The following SMIM36 variants were observed in gnomAD, a reference collection of about 807,000 sequenced individuals.
SMIM36 encodes the protein small integral membrane protein 36.
chr17:55,513,069 AAC>A (rs1158791005), upstream of SMIM36, among the ~76,000 whole-genome samples: 4 of 152,212 alleles, frequency 2.6e-5, no homozygotes, highest in Non-Finnish European at 5.9e-5. Flanking sequence ...ATGATTCTGA[AAC>A]ACCATAGATT....
chr17:55,469,027 C>T (rs935999900), intron 3 of SMIM36, among the ~76,000 whole-genome samples: 5 of 152,064 alleles, frequency 3.3e-5, no homozygotes, highest in Non-Finnish European at 7.4e-5. Flanking sequence ...GAGACTCGTC[C>T]CAAATCTTTC....
At chr17:55,475,252 A>G (rs1451264375) in intron 3 of SMIM36, among the ~76,000 whole-genome samples, 1 of 152,166 alleles carries the variant, frequency 6.6e-6, no homozygotes, top group Non-Finnish European at 1.5e-5. Flanking sequence ...ATCGTAGCGG[A>G]TATCTCCTGG....
At chr17:55,492,392 G>A (rs916576543) in intron 1 of SMIM36, among the ~76,000 whole-genome samples, 21 of 150,950 alleles carry the variant, frequency 1.4e-4, no homozygotes, top group African/African-American at 2.4e-4. Context: ...ACAGGCTTGC[G>A]CCACCAAGCC....
chr17:55,499,706 T>G (rs1909874325), intron 1 of SMIM36, among the ~76,000 whole-genome samples: 1 of 152,112 alleles, frequency 6.6e-6, no homozygotes, highest in Non-Finnish European at 1.5e-5. Context: ...TAAAACATAC[T>G]GGAAAAAGGG....
chr17:55,516,068 T>TA (rs779764854), upstream of SMIM36, among the ~76,000 whole-genome samples: 1 of 152,196 alleles, frequency 6.6e-6, no homozygotes, highest in Non-Finnish European at 1.5e-5. Context: ...TTTACTTCTA[T>TA]AAAAAACAAA....
In SMIM36 at chr17:55,456,116, C is replaced by CAA. The variant is rs10546288; in HGVS notation, c.*532-5820_*532-5819dup. 1.6e-3 allele frequency among the ~76,000 whole-genome samples: 64 copies of CAA among 39,528 alleles called. 1 individual carries two copies. The highest frequency in any genetic ancestry group is 1.6e-3 in the South Asian group (1 of 612). The allele number at this position is 39,528 out of a possible 152,430, so 25.9% of individuals were successfully genotyped here. On this transcript the variant is annotated intron_variant, in intron 4 of 4. Coordinates refer to ENST00000636752, the Ensembl canonical transcript of SMIM36. ...CTGGGCAACAAGTGCAAAACTGTCTCAAAAAAAAAAAAAAAAAAAAAAAAA... is the reference window on the plus strand; with the variant it reads ...CTGGGCAACAAGTGCAAAACTGTCTCAAAAAAAAAAAAAAAAAAAAAAAAAAA...
upstream of SMIM36, among the ~76,000 whole-genome samples, chr17:55,516,335 G>T (rs1050853381): frequency 2.0e-5 from 3 of 152,166 alleles, no homozygotes; most frequent in Admixed American, 1.3e-4. Context: ...GAGAGACACA[G>T]CCTGGAAGAG....
intron 3 of SMIM36, among the ~76,000 whole-genome samples, chr17:55,478,332 CAA>C (rs1236478347): frequency 6.6e-6 from 1 of 151,676 alleles, no homozygotes; most frequent in East Asian, 1.9e-4. Flanking sequence ...TTCCCAGGCT[CAA>C]GTGATCCTCC....
chr17:55,529,609 T>TACACACACACACACACACAC, the SMIM36 span, among the ~76,000 whole-genome samples: 19 of 143,016 alleles, frequency 1.3e-4, no homozygotes, highest in African/African-American at 4.7e-4. Context: ...CTACTAAAAA[T>TACACACACACACACACACAC]ACACACACAC....
chr17:55,466,086 T>C (rs937642235), intron 4 of SMIM36, among the ~76,000 whole-genome samples: 12 of 152,038 alleles, frequency 7.9e-5, no homozygotes, highest in African/African-American at 2.9e-4. Flanking sequence ...AAGACCAGCC[T>C]GACCAACATG....
intron 4 of SMIM36, among the ~76,000 whole-genome samples, chr17:55,453,689 G>A (rs529312426): frequency 1.6e-4 from 24 of 152,260 alleles, no homozygotes; most frequent in African/African-American, 5.5e-4. Flanking sequence ...TCCCCTGGAA[G>A]CCCCTACTGT....
intron 3 of SMIM36, among the ~76,000 whole-genome samples, chr17:55,470,200 C>T (rs919862222): frequency 3.9e-5 from 6 of 152,098 alleles, no homozygotes; most frequent in Admixed American, 2.0e-4. Context: ...CAGCCACTCC[C>T]AGAGCCCCTG....
chr17:55,455,608 A>C (rs1229166785), intron 4 of SMIM36, among the ~76,000 whole-genome samples: 1 of 152,034 alleles, frequency 6.6e-6, no homozygotes, highest in African/African-American at 2.4e-5. Flanking sequence ...TGGGCAACAT[A>C]GTGAGACCTC....
At chr17:55,477,851 CTTT>C (rs34470317) in intron 3 of SMIM36, among the ~76,000 whole-genome samples, 3 of 144,732 alleles carry the variant, frequency 2.1e-5, no homozygotes, top group Admixed American at 6.9e-5. Context: ...GAACCTATTA[CTTT>C]TTTTTTTTTT....
intron 1 of SMIM36, among the ~76,000 whole-genome samples, chr17:55,500,318 T>C (rs1281652518): frequency 6.6e-6 from 1 of 152,018 alleles, no homozygotes; most frequent in Admixed American, 6.6e-5. Context: ...AGAGACGGGC[T>C]CTTGCTATGT....
intron 3 of SMIM36, among the ~76,000 whole-genome samples, chr17:55,475,666 C>T (rs1909415628): frequency 1.3e-5 from 2 of 152,292 alleles, no homozygotes; most frequent in South Asian, 4.1e-4. Flanking sequence ...CTCAAAAACT[C>T]GCCAACCAAG....
At chr17:55,461,241 C>G (rs987468830) in intron 4 of SMIM36, among the ~76,000 whole-genome samples, 2 of 152,172 alleles carry the variant, frequency 1.3e-5, no homozygotes, top group African/African-American at 4.8e-5. Flanking sequence ...CTTACTCCCC[C>G]AAAGCATTGT....
At chr17:55,454,006 T>G (rs1436595059) in intron 4 of SMIM36, 1 of 152,150 alleles carries the variant, frequency 6.6e-6, no homozygotes, top group Non-Finnish European at 1.5e-5. Context: ...TGGAAGGGGA[T>G]CAGGGCAAGT....
At chr17:55,456,780 T>C (rs997898314) in intron 4 of SMIM36, among the ~76,000 whole-genome samples, 30 of 152,206 alleles carry the variant, frequency 2.0e-4, no homozygotes, top group African/African-American at 6.0e-4. Flanking sequence ...AAAAAATAAT[T>C]ATGTGGGTTT....
Sources: allele counts gnomAD v4.1 joint callset (sites outside exome capture counted in the v4.1 genomes callset), GRCh38; gene constraint gnomAD v4.1.1; transcripts MANE v1.5; gene names NCBI Gene and HGNC (gene_info 2026-07-23, HGNC 2026-07-21).